DHX15: variants seen among roughly 807,000 people sequenced by gnomAD.
DHX15 encodes DEAH-box helicase 15.
In DHX15, 11 loss-of-function variants were observed where a neutral mutation model predicts 94.4. The observed-to-expected ratio is 0.12, with a 90% CI of 0.07 to 0.19. The LOEUF (loss-of-function observed/expected upper bound fraction) is 0.19, where lower values mean the gene tolerates loss of function less well. Among genes scored for constraint, DHX15 ranks in the 10% least tolerant of loss-of-function variants. The pLI is 1.00. For missense variants in DHX15, 304 were observed against 988.5 expected (o/e 0.31, Z 9.29); for synonymous variants, 338 against 329.9 (o/e 1.02, Z -0.27).
At chr4:24,541,511 G>GT (rs1238390911) in intron 8 of DHX15, among the ~76,000 whole-genome samples, 3 of 151,970 alleles carry the variant, frequency 2.0e-5, no homozygotes, top group African/African-American at 7.3e-5. Flanking sequence ...CTGAAAGTTA[G>GT]TAAGGAAAGA....
At chr4:24,547,379 C>T (rs1462815882) in intron 6 of DHX15, among the ~76,000 whole-genome samples, 1 of 152,170 alleles carries the variant, frequency 6.6e-6, no homozygotes, top group African/African-American at 2.4e-5. Flanking sequence ...CAAAATTCTC[C>T]TCAGCATCCT....
At chr4:24,569,591 CAAAAAAAAA>C (rs60075617) in intron 3 of DHX15, among the ~76,000 whole-genome samples, 6 of 68,654 alleles carry the variant, frequency 8.7e-5, no homozygotes, top group Non-Finnish European at 1.1e-4. Flanking sequence ...GACTCCATCT[CAAAAAAAAA>C]AAAAAAAAAA....
At chr4:24,557,856 T>C (rs896671683) in intron 3 of DHX15, among the ~76,000 whole-genome samples, 11 of 151,998 alleles carry the variant, frequency 7.2e-5, no homozygotes, top group Admixed American at 2.0e-4. Context: ...TTCCGATATA[T>C]CACAGACACG....
At chr4:24,568,963 C>A (rs775729481) in intron 3 of DHX15, among the ~76,000 whole-genome samples, 1 of 152,118 alleles carries the variant, frequency 6.6e-6, no homozygotes, top group East Asian at 1.9e-4. Flanking sequence ...TAAGGATAAG[C>A]TTATTTAAAT....
At chr4:24,556,181 G>A (rs1371032045) in intron 4 of DHX15, 70 bp downstream of exon 4, 16 of 1,341,618 alleles carry the variant, frequency 1.2e-5, no homozygotes, top group Non-Finnish European at 1.7e-5. Flanking sequence ...TTATTGATCA[G>A]TATGTATTCC....
chr4:24,542,059 G>C (rs750982785), intron 7 of DHX15, 37 bp from the exon 8 acceptor site: 1 of 1,534,156 alleles, frequency 6.5e-7, no homozygotes. Flanking sequence ...TCTTTCTTCA[G>C]TCAAACACAA....
chr4:24,537,805 G>A lies in DHX15; in HGVS notation c.1787-632C>T, dbSNP rs1721226576. The stretch of plus-strand genomic sequence containing the variant: ...AGTGGTGGAAGGTTAAACCGCCTTT[G>A]AATTAAGAAAATTCAAAAAGGCTGG... On this transcript the variant is annotated intron_variant, in intron 10 of 13. Transcript: ENST00000336812. The surrounding 1 kb of genome is among the most constrained non-coding windows in gnomAD (Gnocchi z 4.7). 6.6e-6 allele frequency: 1 copy of A among 152,024 alleles called. No individual in the cohort carries two copies. The highest frequency in any genetic ancestry group is 1.5e-5 in the Non-Finnish European group (1 of 67,978). The allele number at this position is 152,024 out of a possible 1,614,324, so 9.4% of individuals were successfully genotyped here.
At chr4:24,573,263 A>G (rs1308876856) in intron 2 of DHX15, among the ~76,000 whole-genome samples, 1 of 152,014 alleles carries the variant, frequency 6.6e-6, no homozygotes, top group East Asian at 1.9e-4. Context: ...TGCTTCCTCC[A>G]CTTGAGGGCA....
intron 12 of DHX15, among the ~76,000 whole-genome samples, chr4:24,531,058 A>G (rs1399835494): frequency 1.3e-5 from 2 of 152,058 alleles, no homozygotes; most frequent in Admixed American, 1.3e-4. Flanking sequence ...CTACATAATT[A>G]AGAAGTATAA....
intron 9 of DHX15, among the ~76,000 whole-genome samples, chr4:24,540,568 G>T (rs189290601): frequency 6.6e-6 from 1 of 151,080 alleles, no homozygotes; most frequent in East Asian, 2.0e-4. Context: ...TTTCCCCAAA[G>T]AAAACTTAGG....
At chr4:24,577,551 A>G (rs914027973) in intron 1 of DHX15, among the ~76,000 whole-genome samples, 2 of 152,220 alleles carry the variant, frequency 1.3e-5, no homozygotes, top group Non-Finnish European at 2.9e-5. Context: ...ATTAAAAATA[A>G]GCTTTGCTAA....
At chr4:24,533,221 G>C (rs1721125119) in intron 11 of DHX15, 167 bp from the exon 12 acceptor site, 1 of 641,710 alleles carries the variant, frequency 1.6e-6, no homozygotes, top group Admixed American at 2.6e-5. Flanking sequence ...CTTTCTCAAA[G>C]ATCTGTAGTG....
At chr4:24,532,066 T>TATCCCA (rs1721096191) in intron 12 of DHX15, among the ~76,000 whole-genome samples, 1 of 152,186 alleles carries the variant, frequency 6.6e-6, no homozygotes, top group South Asian at 2.1e-4. Flanking sequence ...AGAAGAGACT[T>TATCCCA]ATCCCAAATC....
intron 3 of DHX15, among the ~76,000 whole-genome samples, chr4:24,559,081 C>T (rs1577343610): frequency 6.6e-6 from 1 of 152,014 alleles, no homozygotes; most frequent in African/African-American, 2.4e-5. Flanking sequence ...GACAAGATCG[C>T]CCTGAATTTA....
chr4:24,528,014 A>G lies in DHX15; in HGVS notation c.2298T>C (p.Tyr766=), dbSNP rs374827644. 1.9e-6 allele frequency: 3 copies of G among 1,613,838 alleles called. No homozygotes were observed. Among genetic ancestry groups the G allele is most frequent in the Admixed American group, 1.7e-5 (1 of 59,992 alleles). The change falls in exon 14 of 14, where the codon TAT becomes TAC. Residue 766 remains tyrosine (Y), a synonymous_variant. Transcript: ENST00000336812. ...EWLVKIAPQY[Y]DMSNFPQCEA... ...CACACTGTGGGAAATTGCTCATGTC[A>G]TAATATTGAGGGGCAATTTTCACCA...
chr4:24,538,531 C>T (rs1308418275), intron 10 of DHX15: 2 of 152,036 alleles, frequency 1.3e-5, no homozygotes, highest in Non-Finnish European at 2.9e-5. Flanking sequence ...GTATCAGGAC[C>T]TCAAAACTTC....
At chr4:24,528,407 G>T (rs1036305444) in intron 13 of DHX15, among the ~76,000 whole-genome samples, 6 of 152,100 alleles carry the variant, frequency 3.9e-5, no homozygotes, top group Non-Finnish European at 8.8e-5. Flanking sequence ...GAAACATCGT[G>T]GTATTCAAAT....
chr4:24,574,775 A>G (rs1267956889), intron 2 of DHX15, among the ~76,000 whole-genome samples: 1 of 152,180 alleles, frequency 6.6e-6, no homozygotes, highest in Non-Finnish European at 1.5e-5. Flanking sequence ...AATACATGTA[A>G]AGTATACAGT....
At chr4:24,568,403 C>T (rs1378922037) in intron 3 of DHX15, among the ~76,000 whole-genome samples, 1 of 152,120 alleles carries the variant, frequency 6.6e-6, no homozygotes, top group African/African-American at 2.4e-5. Context: ...AGGTTAGCTC[C>T]TAGAAGAAAC....
Sources: gnomAD v4.1 joint callset for allele counts (sites outside exome capture counted in the v4.1 genomes callset) on GRCh38, gnomAD v4.1.1 for gene constraint, Gnocchi (gnomAD v3.1) non-coding constraint, MANE v1.5 for transcripts, NCBI Gene and HGNC (gene_info 2026-07-23, HGNC 2026-07-21) for gene names.